Variants in CTNNBIP1 observed in about 807,000 individuals in gnomAD.
The protein encoded by CTNNBIP1 is catenin beta interacting protein 1, also known as beta-catenin-interacting protein 1.
CTNNBIP1 carries 7 observed loss-of-function variants against 11.8 expected under a neutral mutation model. That is an observed-to-expected ratio of 0.60 (90% CI 0.34 to 1.12). CTNNBIP1 has a LOEUF of 1.12. Ranked by LOEUF, CTNNBIP1 falls within the 50% of genes most tolerant of loss-of-function variation. The pLI, the probability that CTNNBIP1 is intolerant of heterozygous loss-of-function variation, is 0.03. For synonymous variants in CTNNBIP1, 58 were observed against 43.9 expected, an observed-to-expected ratio of 1.32 and a Z score of -1.26; for missense variants, 101 against 113.4, an observed-to-expected ratio of 0.89 and a Z score of 0.50.
Position 9,880,397 on chromosome 1 carries a change from G to T in CTNNBIP1, c.-109-2408C>A, listed in dbSNP as rs374229811. 3.7e-4 allele frequency among the ~76,000 whole-genome samples: 56 copies of T among 152,258 alleles called. 1 individual carries two copies. Among genetic ancestry groups the T allele is most frequent in the South Asian group, 1.9e-3 (9 of 4,820 alleles). On this transcript the variant is annotated intron_variant, in intron 2 of 5. Coordinates refer to ENST00000377263, the MANE Select transcript of CTNNBIP1 (RefSeq NM_020248.3). ...CTATCATTGATGGGCATCTGGGTTG[G>T]TTCCAAGTCTTTGCTATTGTAAATA...
In CTNNBIP1 at chr1:9,851,052, A is replaced by G. The variant is rs1357359336; in HGVS notation, c.188-276T>C. Among the ~76,000 whole-genome samples, 3 of 152,346 alleles carry G rather than the reference A, an allele frequency of 2.0e-5. No individual in the cohort carries two copies. In the East Asian group the frequency reaches 5.8e-4, roughly 29 times the overall value. ...AGGCTACACAGCTGACAGGTGAGCC[A>G]TGACGAGGCCCCAGGTGACCTGGAG... On this transcript the variant is annotated intron_variant, in intron 5 of 5. Coordinates refer to ENST00000377263, the MANE Select transcript of CTNNBIP1 (RefSeq NM_020248.3). The surrounding 1 kb of genome is among the most constrained non-coding windows in gnomAD (Gnocchi z 4.8).
chr1:9,881,887 T>C (rs1007529634), intron 2 of CTNNBIP1, among the ~76,000 whole-genome samples: 1 of 152,168 alleles, frequency 6.6e-6, no homozygotes, highest in African/African-American at 2.4e-5. Context: ...TGAGCCTGCA[T>C]TCCAGTTGAC....
At chr1:9,861,441 A>G (rs1329540961) in intron 5 of CTNNBIP1, among the ~76,000 whole-genome samples, 4 of 152,210 alleles carry the variant, frequency 2.6e-5, no homozygotes, top group Non-Finnish European at 5.9e-5. Context: ...CTGATGCTCC[A>G]GAGTCCCCAG....
chr1:9,855,402 G>A (rs1638480287), intron 5 of CTNNBIP1, among the ~76,000 whole-genome samples: 1 of 152,110 alleles, frequency 6.6e-6, no homozygotes. Context: ...CAAAGGCAAG[G>A]TCAACGAGAC....
rs1459354783 is a variant in CTNNBIP1 at position 9,848,407 on chromosome 1, AAAGC to A, written c.*2307_*2310del. The A allele has an allele frequency of 6.6e-6, 1 of 152,230 alleles. No individual in the cohort carries two copies. The highest frequency in any genetic ancestry group is 2.4e-5 in the African/African-American group (1 of 41,460). 9.4% of individuals were successfully genotyped at this position (152,230 alleles called of 1,614,324 possible). ...ACAGGCCGGGGTCATCATTGTTACA[AAAGC>A]AAGGCCTGTGATCGTGACAAGGACA... On this transcript the variant is annotated 3_prime_UTR_variant, in exon 6 of 6. Coordinates refer to ENST00000377263, the MANE Select transcript of CTNNBIP1 (RefSeq NM_020248.3). This position sits in a 1 kb window ranked among gnomAD's most constrained non-coding sequence, Gnocchi z 4.3.
chr1:9,907,899 G>C (rs1291893278), intron 1 of CTNNBIP1, among the ~76,000 whole-genome samples: 1 of 152,158 alleles, frequency 6.6e-6, no homozygotes, highest in African/African-American at 2.4e-5. Context: ...TTGCTCCTTA[G>C]AATCCAGTCT....
intron 5 of CTNNBIP1, among the ~76,000 whole-genome samples, chr1:9,864,392 G>A (rs943253293): frequency 1.1e-4 from 16 of 152,276 alleles, no homozygotes; most frequent in Admixed American, 5.9e-4. Context: ...GCAGTGGCGC[G>A]ATCTCGGCTC....
At chr1:9,850,837 A>C (rs1638367885) in intron 5 of CTNNBIP1, 61 bp from the exon 6 acceptor site, 1 of 1,532,446 alleles carries the variant, frequency 6.5e-7, no homozygotes, top group Non-Finnish European at 9.0e-7. Context: ...CGAACAGGAC[A>C]AGCAAGGAGG....
In CTNNBIP1 at chr1:9,850,754, C is replaced by G. The variant is rs533893118; in HGVS notation, c.210G>C (p.Ala70=). The change falls in exon 6 of 6, where the codon GCG becomes GCC. Residue 70 remains alanine, a synonymous_variant. Transcript: ENST00000377263. ...GGTCTTCCGTCTCCGACCTGGAAAA[C>G]GCCATCACCACGTCCTCTGCACCTG... ...IDQGAEDVVM[A]FSRSETEDRR... The G allele has an allele frequency of 6.2e-7, 1 of 1,613,800 alleles. No homozygotes were observed. The highest frequency in any genetic ancestry group is 1.3e-5 in the African/African-American group (1 of 74,932).
chr1:9,853,424 G>T (rs538298993), intron 5 of CTNNBIP1, among the ~76,000 whole-genome samples: 1 of 152,348 alleles, frequency 6.6e-6, no homozygotes, highest in African/African-American at 2.4e-5. Flanking sequence ...GCCAGTTACC[G>T]AATAGGGAGG....
chr1:9,855,718 G>A (rs1638487313), intron 5 of CTNNBIP1, among the ~76,000 whole-genome samples: 1 of 150,658 alleles, frequency 6.6e-6, no homozygotes, highest in East Asian at 1.9e-4. Context: ...CCTTGGATTA[G>A]GAAATGCTTT....
intron 1 of CTNNBIP1, among the ~76,000 whole-genome samples, chr1:9,885,269 T>C (rs111613601): frequency 1.4e-4 from 22 of 152,180 alleles, no homozygotes; most frequent in African/African-American, 3.9e-4. Flanking sequence ...TTCCTATCAA[T>C]TGAGATGGGG....
At chr1:9,889,984 G>GC (rs1639268790) in intron 1 of CTNNBIP1, among the ~76,000 whole-genome samples, 2 of 152,136 alleles carry the variant, frequency 1.3e-5, no homozygotes, top group South Asian at 2.1e-4. Flanking sequence ...TGAAGGAAGT[G>GC]CCCCCCAGCC....
intron 1 of CTNNBIP1, among the ~76,000 whole-genome samples, chr1:9,892,342 A>C (rs1215508698): frequency 2.6e-5 from 4 of 151,866 alleles, no homozygotes; most frequent in Admixed American, 1.3e-4. Flanking sequence ...GAATGGCGTG[A>C]ACCCGGGAGG....
intron 1 of CTNNBIP1, among the ~76,000 whole-genome samples, chr1:9,889,654 T>G (rs992304763): frequency 6.6e-6 from 1 of 152,166 alleles, no homozygotes; most frequent in Non-Finnish European, 1.5e-5. Flanking sequence ...GCCCCAACAC[T>G]GTACCTGGAT....
chr1:9,894,461 T>C (rs752797093), intron 1 of CTNNBIP1, among the ~76,000 whole-genome samples: 1 of 151,666 alleles, frequency 6.6e-6, no homozygotes, highest in Non-Finnish European at 1.5e-5. Context: ...GCTCAAGTGA[T>C]CCTCCCCCCT....
chr1:9,849,930 G>T lies in CTNNBIP1; in HGVS notation c.*788C>A, dbSNP rs529474945. The T allele has an allele frequency of 6.6e-6, 1 of 152,286 alleles. No homozygotes were observed. The highest frequency in any genetic ancestry group is 1.9e-4 in the East Asian group (1 of 5,188). 9.4% of individuals were successfully genotyped at this position (152,286 alleles called of 1,614,324 possible). A position where few individuals can be genotyped will look rare whatever the true frequency, so the allele number is the denominator to read the frequency against. ...GCTGTGGACCCTGCTCAGGGTTCTC[G>T]GGGTCCCCTTGCTGGTGGAGGCAGG... On this transcript the variant is annotated 3_prime_UTR_variant, in exon 6 of 6. Transcript: ENST00000377263.
chr1:9,877,119 T>A (rs767239898), intron 3 of CTNNBIP1, among the ~76,000 whole-genome samples: 1 of 152,174 alleles, frequency 6.6e-6, no homozygotes, highest in Non-Finnish European at 1.5e-5. Context: ...CCATGTAATC[T>A]CCAGCATTTA....
intron 5 of CTNNBIP1, among the ~76,000 whole-genome samples, chr1:9,862,859 C>G (rs1032768163): frequency 6.6e-6 from 1 of 152,218 alleles, no homozygotes; most frequent in Non-Finnish European, 1.5e-5. Flanking sequence ...GCCTAGCACA[C>G]AGCAACTGTG....
Sources: gnomAD v4.1 joint callset for allele counts (sites outside exome capture counted in the v4.1 genomes callset) on GRCh38, gnomAD v4.1.1 for gene constraint, Gnocchi (gnomAD v3.1) non-coding constraint, MANE v1.5 for transcripts, NCBI Gene and HGNC (gene_info 2026-07-23, HGNC 2026-07-21) for gene names.